Variants in RASSF8 observed in about 807,000 individuals in gnomAD.
RASSF8 encodes Ras association domain family member 8.
RASSF8 carries 22 observed loss-of-function variants against 48.5 expected under a neutral mutation model. The ratio of observed to expected loss-of-function variants is 0.45; its 90% CI spans 0.32 to 0.65. The LOEUF (loss-of-function observed/expected upper bound fraction) is 0.65, where lower values mean the gene tolerates loss of function less well. RASSF8 is among the 30% of genes least tolerant of loss of function. The probability of loss-of-function intolerance (pLI) is 0.03; values close to 1 mark genes in which losing one functional copy is unlikely to be tolerated. For synonymous variants in RASSF8, 127 were observed against 171.5 expected, an observed-to-expected ratio of 0.74 and a Z score of 2.03; for missense variants, 418 against 489.2, an observed-to-expected ratio of 0.85 and a Z score of 1.37.
At chr12:26,014,359 A>G (rs181766863) in intron 2 of RASSF8, among the ~76,000 whole-genome samples, 1 of 152,374 alleles carries the variant, frequency 6.6e-6, no homozygotes, top group African/African-American at 2.4e-5. Context: ...AGTAGGCAAG[A>G]TAAAACGTAT....
At chr12:26,003,866 C>T (rs1942320935) in intron 2 of RASSF8, among the ~76,000 whole-genome samples, 1 of 151,990 alleles carries the variant, frequency 6.6e-6, no homozygotes, top group Admixed American at 6.6e-5. Context: ...GTAAAAAATA[C>T]ATTTTCCATA....
At chr12:26,049,432 G>C (rs1214793903) in intron 2 of RASSF8, among the ~76,000 whole-genome samples, 1 of 152,168 alleles carries the variant, frequency 6.6e-6, no homozygotes, top group Admixed American at 6.5e-5. Context: ...CATTTCCACT[G>C]TGAACTTTAA....
At chr12:26,010,638 G>A (rs1942500475) in intron 2 of RASSF8, among the ~76,000 whole-genome samples, 1 of 152,170 alleles carries the variant, frequency 6.6e-6, no homozygotes, top group Non-Finnish European at 1.5e-5. Context: ...AGTTTAATCT[G>A]ATATTTCCTT....
At chr12:26,045,534 C>T (rs1211105734) in intron 2 of RASSF8, among the ~76,000 whole-genome samples, 1 of 152,138 alleles carries the variant, frequency 6.6e-6, no homozygotes, top group Admixed American at 6.6e-5. Context: ...TGTATACCTG[C>T]AAAGGAATAT....
intron 2 of RASSF8, among the ~76,000 whole-genome samples, chr12:26,029,709 A>G (rs1942988286): frequency 6.6e-6 from 1 of 152,210 alleles, no homozygotes; most frequent in African/African-American, 2.4e-5. Flanking sequence ...ATTAAAACTT[A>G]AAACTTCTCT....
rs1943983914 is a variant in RASSF8, at chr12:26,070,826, C to T, written c.*2008C>T. ...AAACTGGAGGCAGTATTAAACTTTG[C>T]AATTAGGAGTTTCAGAGATGCCTTG... On this transcript the variant is annotated 3_prime_UTR_variant, in exon 6 of 6. Coordinates refer to ENST00000689635, the MANE Select transcript of RASSF8 (RefSeq NM_001394098.1). The T allele has an allele frequency of 1.0e-6, 1 of 983,072 alleles. No homozygotes were observed. The highest frequency in any genetic ancestry group is 1.2e-6 in the Non-Finnish European group (1 of 827,884). The allele number at this position is 983,072 out of a possible 1,614,324, so 60.9% of individuals were successfully genotyped here. A position where few individuals can be genotyped will look rare whatever the true frequency, so the allele number is the denominator to read the frequency against.
chr12:26,025,745 C>A (rs1044899119), intron 2 of RASSF8, among the ~76,000 whole-genome samples: 8 of 151,932 alleles, frequency 5.3e-5, no homozygotes, highest in Non-Finnish European at 1.2e-4. Context: ...TATATACTAT[C>A]AGTAAACAAT....
chr12:26,057,823 A>G (rs1943642257), intron 3 of RASSF8, among the ~76,000 whole-genome samples: 1 of 152,162 alleles, frequency 6.6e-6, no homozygotes, highest in Non-Finnish European at 1.5e-5. Context: ...CGCCATTCCA[A>G]CTGGTGTGAG....
chr12:26,062,496 A>G (rs1348559275), intron 3 of RASSF8, among the ~76,000 whole-genome samples: 3 of 152,220 alleles, frequency 2.0e-5, no homozygotes, highest in South Asian at 2.1e-4. Flanking sequence ...AGATAAGGCA[A>G]TACTACTCTT....
chr12:26,060,431 G>T (rs1244803644), intron 3 of RASSF8, among the ~76,000 whole-genome samples: 3 of 152,086 alleles, frequency 2.0e-5, no homozygotes, highest in African/African-American at 7.2e-5. Flanking sequence ...AACTTAAATA[G>T]TATAGTAAAA....
Position 26,070,532 on chromosome 12 carries a change from G to C in RASSF8, c.*1714G>C. On this transcript the variant is annotated 3_prime_UTR_variant, in exon 6 of 6. Transcript: ENST00000689635. ...TACTTTGCAAATAACTGAAGTAAAT[G>C]ATTCTTACCTAAATAACCACAACCT... is the stretch of plus-strand genomic sequence containing the variant. The C allele has an allele frequency of 2.0e-6, 2 of 983,262 alleles. No individual in the cohort carries two copies. Among genetic ancestry groups the C allele is most frequent in the Non-Finnish European group, 2.4e-6 (2 of 828,022 alleles). The allele number at this position is 983,262 out of a possible 1,614,324, so 60.9% of individuals were successfully genotyped here.
chr12:26,018,499 A>G (rs1942706085), intron 2 of RASSF8, among the ~76,000 whole-genome samples: 1 of 152,230 alleles, frequency 6.6e-6, no homozygotes, highest in Non-Finnish European at 1.5e-5. Context: ...CCAAATGTGG[A>G]TCACAGCATT....
intron 2 of RASSF8, among the ~76,000 whole-genome samples, chr12:26,016,064 A>G (rs1257773828): frequency 6.6e-6 from 1 of 152,154 alleles, no homozygotes; most frequent in African/African-American, 2.4e-5. Flanking sequence ...CTAAAATTGG[A>G]GACTCAGAAC....
chr12:26,056,587 A>G (rs1429872342), intron 3 of RASSF8, among the ~76,000 whole-genome samples: 1 of 152,214 alleles, frequency 6.6e-6, no homozygotes, highest in Non-Finnish European at 1.5e-5. Context: ...GCACTTTAGC[A>G]TTTGGTAGAG....
Position 26,071,924 on chromosome 12 carries a change from G to T in RASSF8, c.*3106G>T. On this transcript the variant is annotated 3_prime_UTR_variant, in exon 6 of 6. Coordinates refer to ENST00000689635, the MANE Select transcript of RASSF8 (RefSeq NM_001394098.1). ...AATGTAATTTACATCTGCATTAAAG[G>T]ATAATTTTCTCTGTGAATAAGAGCA... is the stretch of plus-strand genomic sequence containing the variant. 1 of 985,278 alleles carries T rather than the reference G, an allele frequency of 1.0e-6. No individual in the cohort carries two copies. Among genetic ancestry groups the T allele is most frequent in the Non-Finnish European group, 1.2e-6 (1 of 829,824 alleles). The allele number at this position is 985,278 out of a possible 1,614,324, so 61.0% of individuals were successfully genotyped here. A position where few individuals can be genotyped will look rare whatever the true frequency, so the allele number is the denominator to read the frequency against.
Position 26,064,915 on chromosome 12 carries a change from C to A in RASSF8, c.521C>A (p.Thr174Lys), listed in dbSNP as rs1218294841. ...TTGAAGAAGCTAATCCGTCTGCAGA[C>A]AGAGAAGCTTCAATCCATTGAGAAA... is the stretch of plus-strand genomic sequence containing the variant. Reference protein sequence around the residue: ...DELKKLIRLQTEKLQSIEKQL... With the variant: ...DELKKLIRLQKEKLQSIEKQL... Residue 174 changes from threonine to lysine, a missense_variant, in exon 4 of 6, where the codon ACA becomes AAA. Transcript: ENST00000689635. The A allele has an allele frequency of 3.7e-6, 6 of 1,614,014 alleles. No individual in the cohort carries two copies. In the Admixed American group the frequency reaches 5.0e-5, roughly 13 times the overall value.
chr12:25,993,670 C>T (rs1391998991), intron 1 of RASSF8, among the ~76,000 whole-genome samples: 3 of 152,136 alleles, frequency 2.0e-5, no homozygotes, highest in African/African-American at 7.2e-5. Context: ...CAGACAGGCT[C>T]TTTTGCCAAG....
At chr12:26,009,313 C>T (rs1419804075) in intron 2 of RASSF8, among the ~76,000 whole-genome samples, 3 of 152,170 alleles carry the variant, frequency 2.0e-5, no homozygotes, top group Non-Finnish European at 4.4e-5. Flanking sequence ...CCTACAGGAG[C>T]ACAGACCTTA....
chr12:26,000,870 C>T (rs2136980612), intron 2 of RASSF8, among the ~76,000 whole-genome samples: 2 of 151,730 alleles, frequency 1.3e-5, no homozygotes, highest in South Asian at 4.1e-4. Context: ...GGAAGTTGCT[C>T]TGGGTGAGGC....
Sources: allele counts gnomAD v4.1 joint callset (sites outside exome capture counted in the v4.1 genomes callset), GRCh38; gene constraint gnomAD v4.1.1; transcripts MANE v1.5; gene names NCBI Gene and HGNC (gene_info 2026-07-23, HGNC 2026-07-21).